Variants in KIF9 observed in about 807,000 individuals in gnomAD.
KIF9 encodes the protein kinesin family member 9.
KIF9 carries 68 observed loss-of-function variants against 94.8 expected under a neutral mutation model. The ratio of observed to expected loss-of-function variants is 0.72; its 90% CI spans 0.59 to 0.88. The LOEUF is 0.88. Among genes scored for constraint, KIF9 ranks in the 40% least tolerant of loss-of-function variants. The pLI, the probability that KIF9 is intolerant of heterozygous loss-of-function variation, is 0.00. For missense variants in KIF9, 882 were observed against 982.5 expected, an observed-to-expected ratio of 0.90 and a Z score of 1.37; for synonymous variants, 343 against 362.1, an observed-to-expected ratio of 0.95 and a Z score of 0.60.
intron 9 of KIF9, among the ~76,000 whole-genome samples, chr3:47,260,787 A>G (rs1223083431): frequency 6.6e-6 from 1 of 152,124 alleles, no homozygotes; most frequent in Non-Finnish European, 1.5e-5. Flanking sequence ...CCAATAGGAA[A>G]CCCATCCTAG....
intron 9 of KIF9, 133 bp from the exon 10 acceptor site, chr3:47,257,693 TC>T: frequency 1.4e-6 from 1 of 710,368 alleles, no homozygotes; most frequent in South Asian, 1.7e-5. Context: ...TTGGTTCCCT[TC>T]CCCCAGAGGA....
chr3:47,231,246 T>C (rs889384449), intron 20 of KIF9, among the ~76,000 whole-genome samples: 1 of 151,888 alleles, frequency 6.6e-6, no homozygotes, highest in Non-Finnish European at 1.5e-5. Flanking sequence ...ACACACTCAA[T>C]GAATAGGAAC....
At chr3:47,251,127 C>T (rs1349132304) in intron 10 of KIF9, among the ~76,000 whole-genome samples, 2 of 152,230 alleles carry the variant, frequency 1.3e-5, no homozygotes, top group Non-Finnish European at 2.9e-5. Context: ...CTCACCTGTC[C>T]ACATGCCATC....
At chr3:47,260,990 G>C (rs1700935450) in intron 9 of KIF9, among the ~76,000 whole-genome samples, 1 of 152,248 alleles carries the variant, frequency 6.6e-6, no homozygotes, top group Non-Finnish European at 1.5e-5. Context: ...GTGGAACTGA[G>C]AAAGGCCTTG....
At chr3:47,255,226 C>T (rs1700496769) in intron 10 of KIF9, among the ~76,000 whole-genome samples, 1 of 152,242 alleles carries the variant, frequency 6.6e-6, no homozygotes, top group Non-Finnish European at 1.5e-5. Context: ...GTATCAATTA[C>T]ACTTTGACCA....
chr3:47,236,138 A>C lies in KIF9; in HGVS notation c.2113T>G (p.Trp705Gly). ...GGGATGACAAAGGACTCATTGTACC[A>C]GATGTCAAATTCTACAAGGAGGTGA... is the stretch of plus-strand genomic sequence containing the variant. Reference protein sequence around the residue: ...RHRLLMEFDIWYNESFVIPED... With the variant: ...RHRLLMEFDIGYNESFVIPED... Residue 705 changes from tryptophan (W) to glycine (G), a missense_variant, in exon 19 of 21, where the codon TGG (tryptophan) becomes GGG (glycine). By Grantham distance (184) the Trp-to-Gly change is radical. Coordinates refer to ENST00000684063, the MANE Select transcript of KIF9 (RefSeq NM_182902.4). 2 of 1,613,406 alleles carry C rather than the reference A, an allele frequency of 1.2e-6. No individual in the cohort carries two copies. Among genetic ancestry groups the C allele is most frequent in the Middle Eastern group, 1.7e-4 (1 of 6,060 alleles).
chr3:47,251,645 T>A (rs756056126), intron 10 of KIF9, among the ~76,000 whole-genome samples: 3 of 152,242 alleles, frequency 2.0e-5, no homozygotes, highest in Non-Finnish European at 2.9e-5. Flanking sequence ...GTAAGTTTCC[T>A]AATAGGCATT....
In KIF9 at chr3:47,245,484, A is replaced by G; in HGVS notation, c.1317T>C (p.Thr439=). The G allele has an allele frequency of 1.2e-6, 2 of 1,613,940 alleles. No individual in the cohort carries two copies. The highest frequency in any genetic ancestry group is 1.1e-5 in the South Asian group (1 of 91,074). ...CAATGAGGGTGTACTTCCTGCGCAA[A>G]GTGGACTCCACTTCCTGTTCCTGTT... ...LSQQEQEVES[T]LRRKYTLIDR... The change falls in exon 14 of 21, where the codon ACT becomes ACC. Residue 439 remains threonine, a synonymous_variant. Coordinates refer to ENST00000684063, the MANE Select transcript of KIF9 (RefSeq NM_182902.4).
chr3:47,236,485 A>G lies in KIF9; in HGVS notation c.2059T>C (p.Cys687Arg), dbSNP rs1251657712. 3 of 1,613,716 alleles carry G rather than the reference A, an allele frequency of 1.9e-6. No individual in the cohort carries two copies. The highest frequency in any genetic ancestry group is 1.7e-5 in the Admixed American group (1 of 60,018). ...LRDLRAEIQYCQHLVDQCRHR... is the reference protein window; with the variant it reads ...LRDLRAEIQYRQHLVDQCRHR... ...CGACACTGATCCACTAGGTGCTGGC[A>G]ATACTGGATCTCAGCCCTGAGGTCA... The change falls in exon 18 of 21, where the codon TGC becomes CGC. Residue 687 changes from cysteine (C) to arginine (R), a missense_variant. Physicochemically the swap from Cys to Arg is radical, Grantham distance 180. Coordinates refer to ENST00000684063, the MANE Select transcript of KIF9 (RefSeq NM_182902.4).
intron 3 of KIF9, among the ~76,000 whole-genome samples, chr3:47,273,888 T>C (rs1701802024): frequency 6.6e-6 from 1 of 152,192 alleles, no homozygotes; most frequent in Non-Finnish European, 1.5e-5. Flanking sequence ...CCCACAATGC[T>C]CTGCTGTTCC....
intron 1 of KIF9, among the ~76,000 whole-genome samples, chr3:47,281,769 G>A (rs1038673624): frequency 4.6e-5 from 7 of 152,192 alleles, no homozygotes; most frequent in Admixed American, 3.3e-4. Context: ...GTGTTAAGGC[G>A]CTCGAGGTTT....
intron 2 of KIF9, 84 bp downstream of exon 2, chr3:47,277,198 A>G (rs1702030817): frequency 9.9e-7 from 1 of 1,006,580 alleles, no homozygotes; most frequent in Middle Eastern, 2.1e-4. Flanking sequence ...TTGGTCCTTC[A>G]AAGGTTGCTT....
chr3:47,237,808 A>G (rs930086931), intron 17 of KIF9, among the ~76,000 whole-genome samples: 1 of 152,234 alleles, frequency 6.6e-6, no homozygotes, highest in African/African-American at 2.4e-5. Flanking sequence ...GCAAATGTCT[A>G]GACTCTGGGA....
chr3:47,247,405 T>C lies in KIF9; in HGVS notation c.1201A>G (p.Arg401Gly), dbSNP rs535716258. 6.2e-7 allele frequency: 1 copy of C among 1,613,114 alleles called. No homozygotes were observed. The highest frequency in any genetic ancestry group is 1.1e-5 in the South Asian group (1 of 91,068). Residue 401 changes from arginine to glycine, a missense_variant, in exon 12 of 21, where the codon AGG becomes GGG. Transcript: ENST00000684063. The part of the protein sequence containing the change: ...QIAEINSQVR[R>G]YLEGTLDEID... ...TCGTCCAGTGTCCCCTCCAGGTACC[T>C]CCGCACCTGGGAGTTGATCTCAGCA...
At chr3:47,232,038 T>C (rs974783555) in intron 20 of KIF9, among the ~76,000 whole-genome samples, 1 of 152,204 alleles carries the variant, frequency 6.6e-6, no homozygotes, top group Non-Finnish European at 1.5e-5. Flanking sequence ...GGTGATGCTA[T>C]GAAGAGGTGA....
intron 17 of KIF9, chr3:47,239,900 C>A (rs1699339701): frequency 7.3e-7 from 1 of 1,367,826 alleles, no homozygotes; most frequent in African/African-American, 1.5e-5. Context: ...GCCCAGTAAC[C>A]TGTGGTGTTT....
chr3:47,245,262 G>A, intron 14 of KIF9, 159 bp downstream of exon 14: 1 of 674,456 alleles, frequency 1.5e-6, no homozygotes, highest in Admixed American at 2.4e-5. Flanking sequence ...TTCAAAAGTG[G>A]TTTACTCTTA....
In KIF9 at chr3:47,228,410, GA is replaced by G. The variant is rs973103400; in HGVS notation, c.*241del. Reference sequence around the variant, plus strand: ...AGATGAGCACTGAAAGTCCAAACTAGAAAGTTATTTTATCCTGTCCCTGCAT... The same window carrying G: ...AGATGAGCACTGAAAGTCCAAACTAGAAGTTATTTTATCCTGTCCCTGCAT... On this transcript the variant is annotated 3_prime_UTR_variant, in exon 21 of 21. Transcript: ENST00000684063. 5.9e-6 allele frequency: 3 copies of G among 507,392 alleles called. No individual in the cohort carries two copies. Among genetic ancestry groups the G allele is most frequent in the African/African-American group, 5.8e-5 (3 of 52,046 alleles). The allele number at this position is 507,392 out of a possible 1,614,324, so 31.4% of individuals were successfully genotyped here. A position where few individuals can be genotyped will look rare whatever the true frequency, so the allele number is the denominator to read the frequency against.
chr3:47,272,205 A>G (rs1369458945), intron 4 of KIF9, among the ~76,000 whole-genome samples: 1 of 152,188 alleles, frequency 6.6e-6, no homozygotes, highest in African/African-American at 2.4e-5. Context: ...CAGCCTTCTC[A>G]ACTCCTAATT....
Sources: gnomAD v4.1 joint callset for allele counts (sites outside exome capture counted in the v4.1 genomes callset) on GRCh38, gnomAD v4.1.1 for gene constraint, MANE v1.5 for transcripts, NCBI Gene and HGNC (gene_info 2026-07-23, HGNC 2026-07-21) for gene names.